The following ENOX1 variants were observed in gnomAD, a reference collection of about 807,000 sequenced individuals.
The protein encoded by ENOX1 is ecto-NOX disulfide-thiol exchanger 1.
A neutral mutation model predicts 82.5 loss-of-function variants in ENOX1; 42 were observed. The observed-to-expected ratio is 0.51, with a 90% CI of 0.40 to 0.66. ENOX1 has a LOEUF of 0.66. ENOX1 is among the 30% of genes least tolerant of loss of function. The pLI, the probability that ENOX1 is intolerant of heterozygous loss-of-function variation, is 0.00. For missense variants in ENOX1, 608 were observed against 811.6 expected (o/e 0.75, Z 3.05); for synonymous variants, 271 against 282.2 (o/e 0.96, Z 0.40).
chr13:43,776,413 C>T (rs368852472), intron 1 of ENOX1, among the ~76,000 whole-genome samples: 2 of 151,622 alleles, frequency 1.3e-5, no homozygotes, highest in Admixed American at 1.3e-4. Context: ...ATGCAGGTAA[C>T]GTCTACCCCA....
At chr13:43,538,229 T>C (rs1181320335) in intron 2 of ENOX1, among the ~76,000 whole-genome samples, 1 of 152,256 alleles carries the variant, frequency 6.6e-6, no homozygotes, top group Non-Finnish European at 1.5e-5. Flanking sequence ...TTTCCTTCAT[T>C]TCTCTTTTAT....
chr13:43,292,669 C>G (rs909326666), intron 12 of ENOX1, among the ~76,000 whole-genome samples: 3 of 152,012 alleles, frequency 2.0e-5, no homozygotes, highest in Non-Finnish European at 4.4e-5. Context: ...CTCATTTTAT[C>G]TCTTTCCCTA....
At chr13:43,324,897 A>G (rs556935531) in intron 10 of ENOX1, among the ~76,000 whole-genome samples, 1 of 152,366 alleles carries the variant, frequency 6.6e-6, no homozygotes, top group East Asian at 1.9e-4. Context: ...TGACACTCAC[A>G]TTCTAATGAT....
intron 3 of ENOX1, 42 bp from the exon 4 acceptor site, chr13:43,413,030 T>A: frequency 6.9e-7 from 1 of 1,445,512 alleles, no homozygotes; most frequent in Non-Finnish European, 9.1e-7. Flanking sequence ...CCTTAATAGT[T>A]AACTGAGATA....
At chr13:43,427,530 G>T (rs2055390983) in intron 3 of ENOX1, among the ~76,000 whole-genome samples, 1 of 152,162 alleles carries the variant, frequency 6.6e-6, no homozygotes, top group South Asian at 2.1e-4. Context: ...GTTCCTCTGG[G>T]TTTAACTGGC....
chr13:43,298,659 G>A (rs2046407368), intron 11 of ENOX1, 129 bp from the exon 12 acceptor site: 2 of 780,732 alleles, frequency 2.6e-6, no homozygotes, highest in African/African-American at 1.8e-5. Context: ...AAAGCAAAAT[G>A]CCACTCCCTG....
intron 5 of ENOX1, among the ~76,000 whole-genome samples, chr13:43,383,120 C>T (rs1202100946): frequency 6.6e-6 from 1 of 152,086 alleles, no homozygotes; most frequent in Non-Finnish European, 1.5e-5. Context: ...AAACATGGTA[C>T]CAGACCTCAA....
chr13:43,466,804 C>G (rs2057747114), intron 3 of ENOX1, among the ~76,000 whole-genome samples: 1 of 152,132 alleles, frequency 6.6e-6, no homozygotes, highest in Non-Finnish European at 1.5e-5. Flanking sequence ...CCCCATTCCC[C>G]CCAGCCCAGT....
intron 1 of ENOX1, among the ~76,000 whole-genome samples, chr13:43,702,449 G>A (rs1022429992): frequency 6.6e-6 from 1 of 152,192 alleles, no homozygotes; most frequent in Non-Finnish European, 1.5e-5. Context: ...CTTATCCATT[G>A]GCATAGATGG....
intron 1 of ENOX1, among the ~76,000 whole-genome samples, chr13:43,717,972 G>A (rs1429324491): frequency 5.9e-5 from 9 of 152,186 alleles, no homozygotes; most frequent in Non-Finnish European, 1.3e-4. Context: ...AAAGAAGCCT[G>A]GAGATTTCTC....
chr13:43,346,084 G>A (rs1047052966), intron 8 of ENOX1, among the ~76,000 whole-genome samples: 5 of 152,094 alleles, frequency 3.3e-5, no homozygotes, highest in Non-Finnish European at 7.4e-5. Flanking sequence ...CACATCATAC[G>A]AAACCTTCCC....
chr13:43,413,755 C>T (rs1368621317), intron 3 of ENOX1, among the ~76,000 whole-genome samples: 4 of 144,930 alleles, frequency 2.8e-5, no homozygotes, highest in Non-Finnish European at 3.1e-5. Flanking sequence ...TTTTAATGCA[C>T]TTATCTAATA....
chr13:43,276,234 C>A (rs573706295), intron 12 of ENOX1, among the ~76,000 whole-genome samples: 63 of 152,226 alleles, frequency 4.1e-4, no homozygotes, highest in African/African-American at 1.1e-3. Context: ...GGTGTGACTG[C>A]GTCTGATGGT....
At chr13:43,740,868 C>T (rs929000390) in intron 1 of ENOX1, among the ~76,000 whole-genome samples, 2 of 152,178 alleles carry the variant, frequency 1.3e-5, no homozygotes, top group Non-Finnish European at 1.5e-5. Flanking sequence ...AGCTATATCA[C>T]ATTTTGTTTA....
At chr13:43,356,375 G>T (rs966330835) in intron 7 of ENOX1, among the ~76,000 whole-genome samples, 2 of 152,160 alleles carry the variant, frequency 1.3e-5, no homozygotes, top group African/African-American at 4.8e-5. Context: ...ACCTTGGAGA[G>T]CTGTCTCAGA....
intron 1 of ENOX1, among the ~76,000 whole-genome samples, chr13:43,668,857 A>G (rs2153789588): frequency 6.6e-6 from 1 of 152,354 alleles, no homozygotes; most frequent in Non-Finnish European, 1.5e-5. Flanking sequence ...GCCTACAGGT[A>G]TAGTGAATGA....
At chr13:43,722,647 C>T (rs73188094) in intron 1 of ENOX1, among the ~76,000 whole-genome samples, 5,224 of 152,026 alleles carry the variant, frequency 0.034, 239 homozygotes, top group East Asian at 0.24. Flanking sequence ...AGGGACTTTA[C>T]ATACATTATT....
chr13:43,312,531 TTTTCTC>T (rs1408372626), intron 11 of ENOX1, among the ~76,000 whole-genome samples: 4 of 152,152 alleles, frequency 2.6e-5, no homozygotes, highest in African/African-American at 9.7e-5. Context: ...ACGTCTTCAT[TTTTCTC>T]TTTATCTTTT....
At chr13:43,458,951 T>C (rs564177749) in intron 3 of ENOX1, 2 of 152,336 alleles carry the variant, frequency 1.3e-5, no homozygotes, top group South Asian at 2.1e-4. Flanking sequence ...TGACATACTT[T>C]GGAAAAGACT....
Sources: allele counts gnomAD v4.1 joint callset (sites outside exome capture counted in the v4.1 genomes callset), GRCh38; gene constraint gnomAD v4.1.1; transcripts MANE v1.5; gene names NCBI Gene and HGNC (gene_info 2026-07-23, HGNC 2026-07-21).